Variants in FHOD3 observed in about 807,000 individuals in gnomAD.
The protein encoded by FHOD3 is FH1/FH2 domain-containing protein 3.
Under a neutral mutation model 173.0 loss-of-function variants are expected in FHOD3, and 90 were observed. The observed-to-expected ratio is 0.52, with a 90% confidence interval of 0.44 to 0.62. FHOD3 has a LOEUF of 0.62. Among genes scored for constraint, FHOD3 ranks in the 20% least tolerant of loss-of-function variants. FHOD3 has a pLI of 0.00. For missense variants in FHOD3, 1,945 were observed against 2,034.7 expected, an observed-to-expected ratio of 0.96 and a Z score of 0.85; for synonymous variants, 828 against 823.0, an observed-to-expected ratio of 1.01 and a Z score of -0.10.
At chr18:36,423,394 G>A (rs1305349278) in intron 3 of FHOD3, among the ~76,000 whole-genome samples, 1 of 151,990 alleles carries the variant, frequency 6.6e-6, no homozygotes, top group Admixed American at 6.5e-5. Context: ...TAGAACAGCT[G>A]ATGTCATCTC....
chr18:36,320,297 G>A (rs2044329266), intron 1 of FHOD3, among the ~76,000 whole-genome samples: 1 of 151,932 alleles, frequency 6.6e-6, no homozygotes, highest in African/African-American at 2.4e-5. Context: ...AATGATAAAG[G>A]GGATATCACC....
intron 3 of FHOD3, among the ~76,000 whole-genome samples, chr18:36,379,712 A>G (rs1486852312): frequency 6.6e-6 from 1 of 152,148 alleles, no homozygotes; most frequent in Non-Finnish European, 1.5e-5. Context: ...TAGGGAAACC[A>G]CCCTGGTTTT....
intron 15 of FHOD3, among the ~76,000 whole-genome samples, chr18:36,682,269 A>G (rs1182004330): frequency 6.6e-6 from 1 of 152,092 alleles, no homozygotes; most frequent in Non-Finnish European, 1.5e-5. Context: ...GCTGTGCTTT[A>G]TGGAATGAAA....
intron 3 of FHOD3, among the ~76,000 whole-genome samples, chr18:36,483,379 A>T (rs143543992): frequency 2.6e-5 from 4 of 152,170 alleles, no homozygotes; most frequent in Non-Finnish European, 5.9e-5. Context: ...AGCACAGCCA[A>T]CCACTGTCCT....
intron 1 of FHOD3, among the ~76,000 whole-genome samples, chr18:36,307,208 C>T (rs1467692544): frequency 1.3e-5 from 2 of 151,990 alleles, no homozygotes; most frequent in Admixed American, 6.6e-5. Flanking sequence ...GTAATCTGCC[C>T]GCGTCAGCCT....
chr18:36,662,666 G>C (rs935281958), intron 14 of FHOD3, among the ~76,000 whole-genome samples: 1 of 152,162 alleles, frequency 6.6e-6, no homozygotes, highest in Non-Finnish European at 1.5e-5. Flanking sequence ...AGTAATAATG[G>C]ATAATAAGGG....
At chr18:36,388,501 CTT>C (rs1404971522) in intron 3 of FHOD3, among the ~76,000 whole-genome samples, 5 of 152,214 alleles carry the variant, frequency 3.3e-5, no homozygotes, top group Non-Finnish European at 7.3e-5. Flanking sequence ...TGTAGCAGGA[CTT>C]ACCTGCATGC....
intron 4 of FHOD3, among the ~76,000 whole-genome samples, chr18:36,512,191 G>T (rs1253971491): frequency 6.6e-6 from 1 of 152,252 alleles, no homozygotes. Flanking sequence ...GCAGTGAGGA[G>T]ATTCATTTGC....
In FHOD3 at chr18:36,717,977, G is replaced by T; in HGVS notation, c.2679G>T (p.Gly893=). Residue 893 remains glycine (G), a synonymous_variant, in exon 19 of 29, where the codon GGG becomes GGT. Coordinates refer to ENST00000590592, the MANE Select transcript of FHOD3 (RefSeq NM_001281740.3). ...AGGAGAAGGGGGATGGGGAGGCTGG[G>T]AGGACCCAGCAGGAGGCAGAGGCGG... ...DDEEKGDGEA[G]RTQQEAEAVA... The T allele has an allele frequency of 6.2e-7, 1 of 1,613,882 alleles. No individual in the cohort carries two copies. Among genetic ancestry groups the T allele is most frequent in the Non-Finnish European group, 8.5e-7 (1 of 1,179,910 alleles).
At chr18:36,358,762 A>G (rs2046476523) in intron 2 of FHOD3, among the ~76,000 whole-genome samples, 1 of 152,106 alleles carries the variant, frequency 6.6e-6, no homozygotes, top group Non-Finnish European at 1.5e-5. Flanking sequence ...TATAGCCTCC[A>G]TCTCTCAGGC....
At chr18:36,598,604 G>A (rs554937324) in intron 7 of FHOD3, among the ~76,000 whole-genome samples, 183 of 151,888 alleles carry the variant, frequency 1.2e-3, no homozygotes, top group African/African-American at 4.0e-3. Context: ...CCAGGCTGGA[G>A]TGCAGTGGCG....
intron 5 of FHOD3, among the ~76,000 whole-genome samples, chr18:36,526,428 C>CT (rs35677759): frequency 0.31 from 46,619 of 150,292 alleles, 8,269 homozygotes; most frequent in Non-Finnish European, 0.41. Context: ...CATAATTCAG[C>CT]TTTTTTTTTT....
rs186256817 is a variant in FHOD3, at chr18:36,619,897, C to T, written c.958-5614C>T. On this transcript the variant is annotated intron_variant, in intron 9 of 28. Coordinates refer to ENST00000590592, the MANE Select transcript of FHOD3 (RefSeq NM_001281740.3). ...AATGAGGGAGAGCATTGGAGGAGGTCAGGCATGGCAGGTGTCAGGGGTTGA... is the reference window on the plus strand; with the variant it reads ...AATGAGGGAGAGCATTGGAGGAGGTTAGGCATGGCAGGTGTCAGGGGTTGA... Among the ~76,000 whole-genome samples, 4 of 152,286 alleles carry T rather than the reference C, an allele frequency of 2.6e-5. No individual in the cohort carries two copies. In the East Asian group the frequency reaches 7.7e-4, roughly 29 times the overall value.
intron 11 of FHOD3, 150 bp downstream of exon 11, chr18:36,649,555 C>T: frequency 1.9e-6 from 1 of 535,396 alleles, no homozygotes; most frequent in Non-Finnish European, 3.2e-6. Context: ...CACAGAACCA[C>T]TGGTTTTGTA....
intron 1 of FHOD3, among the ~76,000 whole-genome samples, chr18:36,345,910 G>A (rs1354673115): frequency 1.3e-5 from 2 of 152,100 alleles, no homozygotes; most frequent in Non-Finnish European, 1.5e-5. Flanking sequence ...ATTTAAAAAC[G>A]GGAATACCAC....
chr18:36,528,800 G>A (rs1035409220), intron 5 of FHOD3, among the ~76,000 whole-genome samples: 12 of 152,300 alleles, frequency 7.9e-5, no homozygotes, highest in South Asian at 2.1e-4. Context: ...AACGACGTTC[G>A]TTGTACAGCT....
chr18:36,441,338 G>T (rs2051136741), intron 3 of FHOD3, among the ~76,000 whole-genome samples: 2 of 152,206 alleles, frequency 1.3e-5, no homozygotes, highest in Non-Finnish European at 2.9e-5. Flanking sequence ...GCTTTCTGAG[G>T]AGAAAGGGGT....
intron 3 of FHOD3, among the ~76,000 whole-genome samples, chr18:36,383,158 G>A (rs752223400): frequency 4.6e-5 from 7 of 152,148 alleles, no homozygotes; most frequent in African/African-American, 1.4e-4. Flanking sequence ...TTCTGTTCTT[G>A]GGCAGGCTTC....
intron 3 of FHOD3, among the ~76,000 whole-genome samples, chr18:36,478,781 T>A (rs2053726229): frequency 6.6e-6 from 1 of 152,134 alleles, no homozygotes; most frequent in South Asian, 2.1e-4. Context: ...CCCAGCCAAG[T>A]TACTCCTGGT....
Sources: allele counts gnomAD v4.1 joint callset (sites outside exome capture counted in the v4.1 genomes callset), GRCh38; gene constraint gnomAD v4.1.1; transcripts MANE v1.5; gene names NCBI Gene and HGNC (gene_info 2026-07-23, HGNC 2026-07-21).